The following HOMER2 variants were observed in gnomAD, a reference collection of about 807,000 sequenced individuals.
HOMER2 encodes the protein homer protein homolog 2.
HOMER2 carries 27 observed loss-of-function variants against 47.0 expected under a neutral mutation model. The observed-to-expected ratio is 0.57, with a 90% CI of 0.42 to 0.79. The LOEUF is 0.79. HOMER2 is among the 30% of genes least tolerant of loss of function. HOMER2 has a pLI of 0.00. For missense variants in HOMER2, 443 were observed against 435.0 expected (o/e 1.02, Z -0.16); for synonymous variants, 161 against 163.8 (o/e 0.98, Z 0.13).
At chr15:82,876,347 T>C (rs982461020) in intron 2 of HOMER2, among the ~76,000 whole-genome samples, 7 of 152,248 alleles carry the variant, frequency 4.6e-5, no homozygotes, top group South Asian at 2.1e-4. Flanking sequence ...CAAACATTTA[T>C]TGAACATTTA....
upstream of HOMER2, among the ~76,000 whole-genome samples, chr15:82,955,978 G>A (rs1197496626): frequency 3.3e-5 from 5 of 152,146 alleles, no homozygotes; most frequent in Non-Finnish European, 5.9e-5. Flanking sequence ...GGTGGCTCAT[G>A]ACTGTAGTCC....
In HOMER2 at chr15:82,924,380, G is replaced by C. The variant is rs547777531; in HGVS notation, c.5+28151C>G. On this transcript the variant is annotated intron_variant, in intron 1 of 8. Coordinates refer to ENST00000450735, the MANE Select transcript of HOMER2 (RefSeq NM_004839.4). ...TGGCCCTTTTTTTTTTTTTTTTTTT[G>C]AGTCTGGCCCCAGAACAGCCCCTGC... Among the ~76,000 whole-genome samples the C allele has an allele frequency of 1.7e-4, 9 of 52,618 alleles. No individual in the cohort carries two copies. The South Asian group carries it at 5.6e-3, about 33-fold the overall frequency. The allele number at this position is 52,618 out of a possible 152,430, so 34.5% of individuals were successfully genotyped here.
intron 1 of HOMER2, among the ~76,000 whole-genome samples, chr15:82,918,816 T>C (rs1016186861): frequency 6.6e-6 from 1 of 152,162 alleles, no homozygotes; most frequent in African/African-American, 2.4e-5. Context: ...TCCTACCTAG[T>C]AGTGTCCTCC....
chr15:82,901,507 T>C (rs1022169743), intron 1 of HOMER2, among the ~76,000 whole-genome samples: 3 of 152,176 alleles, frequency 2.0e-5, no homozygotes, highest in South Asian at 2.1e-4. Flanking sequence ...TCCACACATA[T>C]ATCTCCCTCC....
At chr15:82,848,235 CG>C (rs1163424700), downstream of HOMER2, among the ~76,000 whole-genome samples, 1 of 152,138 alleles carries the variant, frequency 6.6e-6, no homozygotes, top group African/African-American at 2.4e-5. Flanking sequence ...CCTCCTTCCT[CG>C]GGTTGTTTGC....
At chr15:82,918,531 G>T (rs1177149807) in intron 1 of HOMER2, among the ~76,000 whole-genome samples, 1 of 152,046 alleles carries the variant, frequency 6.6e-6, no homozygotes, top group Non-Finnish European at 1.5e-5. Flanking sequence ...CATTCCCTTA[G>T]TTCTTCTCCA....
chr15:82,891,470 C>T (rs3784365), intron 2 of HOMER2, among the ~76,000 whole-genome samples: 23,632 of 152,128 alleles, frequency 0.16, 2,325 homozygotes, highest in African/African-American at 0.27. Flanking sequence ...GGCTGAAGTG[C>T]CCTGATCTCC....
chr15:82,895,891 C>G (rs1416174663), intron 1 of HOMER2, among the ~76,000 whole-genome samples: 1 of 152,178 alleles, frequency 6.6e-6, no homozygotes, highest in African/African-American at 2.4e-5. Context: ...CCAAGGGGCT[C>G]CATTTTTAAG....
At chr15:82,872,517 T>C (rs2052210796) in intron 3 of HOMER2, among the ~76,000 whole-genome samples, 1 of 152,224 alleles carries the variant, frequency 6.6e-6, no homozygotes, top group Non-Finnish European at 1.5e-5. Flanking sequence ...TCTGAGCATT[T>C]TCCTTCTGGT....
chr15:82,838,174 A>G (rs1395226099), exon 2 of HOMER2: 2 of 152,792 alleles, frequency 1.3e-5, no homozygotes, highest in Admixed American at 6.5e-5. Flanking sequence ...AGGAATACGA[A>G]AACGGAGGAG....
chr15:82,836,290 C>A (rs923116629), downstream of HOMER2, among the ~76,000 whole-genome samples: 1 of 152,238 alleles, frequency 6.6e-6, no homozygotes, highest in African/African-American at 2.4e-5. Context: ...GCTCTCCAGT[C>A]GGCCTCCAAA....
At chr15:82,868,541 A>ATATATATATATATATTTTT in intron 3 of HOMER2, among the ~76,000 whole-genome samples, 2 of 71,290 alleles carry the variant, frequency 2.8e-5, no homozygotes, top group African/African-American at 5.0e-5. Flanking sequence ...ATATATATAT[A>ATATATATATATATATTTTT]TTTTTTTTTT....
chr15:82,935,511 C>T (rs1379366427), intron 1 of HOMER2, among the ~76,000 whole-genome samples: 2 of 152,114 alleles, frequency 1.3e-5, no homozygotes, highest in Non-Finnish European at 2.9e-5. Context: ...CCCAGCTGAC[C>T]TCTCGGCTAA....
At chr15:82,953,597 G>A (rs2054550381), upstream of HOMER2, among the ~76,000 whole-genome samples, 1 of 152,184 alleles carries the variant, frequency 6.6e-6, no homozygotes, top group African/African-American at 2.4e-5. Flanking sequence ...GGACAGGTCG[G>A]GCGCGGTGGC....
intron 1 of HOMER2, among the ~76,000 whole-genome samples, chr15:82,903,256 C>T (rs1251592874): frequency 6.6e-6 from 1 of 152,088 alleles, no homozygotes; most frequent in East Asian, 1.9e-4. Context: ...TTCAAAATGG[C>T]GTCGGGAGCA....
intron 1 of HOMER2, among the ~76,000 whole-genome samples, chr15:82,935,860 C>T (rs1373648285): frequency 6.6e-6 from 1 of 152,166 alleles, no homozygotes; most frequent in African/African-American, 2.4e-5. Flanking sequence ...GATGGGTCTC[C>T]TTGCTTCCTT....
chr15:82,846,336 C>T (rs992141267), downstream of HOMER2: 2 of 152,256 alleles, frequency 1.3e-5, no homozygotes. Flanking sequence ...AAGATTCCTG[C>T]AAAACCAGAA....
At chr15:82,898,652 A>G (rs2053014873) in intron 1 of HOMER2, among the ~76,000 whole-genome samples, 1 of 152,250 alleles carries the variant, frequency 6.6e-6, no homozygotes, top group Admixed American at 6.5e-5. Context: ...TCTGTGCAAC[A>G]TATGTATGTT....
At chr15:82,875,681 A>G (rs969755398) in intron 2 of HOMER2, among the ~76,000 whole-genome samples, 3 of 152,208 alleles carry the variant, frequency 2.0e-5, no homozygotes, top group Non-Finnish European at 2.9e-5. Flanking sequence ...TCTCTCCTAA[A>G]CAAAGAATAG....
Sources: gnomAD v4.1 joint callset for allele counts (sites outside exome capture counted in the v4.1 genomes callset) on GRCh38, gnomAD v4.1.1 for gene constraint, MANE v1.5 for transcripts, NCBI Gene and HGNC (gene_info 2026-07-23, HGNC 2026-07-21) for gene names.